Variants in GALNT13 observed in about 807,000 individuals in gnomAD.
GALNT13 encodes the protein UDP-GalNAc:polypeptide N-acetylgalactosaminyltransferase 13.
Under a neutral mutation model 64.2 loss-of-function variants are expected in GALNT13, and 28 were observed. The observed-to-expected ratio is 0.44, with a 90% CI of 0.32 to 0.60. The LOEUF is 0.60. GALNT13 is among the 20% of genes least tolerant of loss of function. The probability of loss-of-function intolerance (pLI) is 0.05; values close to 1 mark genes in which losing one functional copy is unlikely to be tolerated. For synonymous variants in GALNT13, 214 were observed against 224.6 expected, an observed-to-expected ratio of 0.95 and a Z score of 0.42; for missense variants, 577 against 669.8, an observed-to-expected ratio of 0.86 and a Z score of 1.53.
the GALNT13 span, among the ~76,000 whole-genome samples, chr2:153,368,087 A>G: frequency 1.3e-5 from 2 of 152,118 alleles, no homozygotes; most frequent in African/African-American, 4.8e-5. Flanking sequence ...GACATAACAG[A>G]TATATACATA....
At chr2:154,188,884 G>A (rs1378768403) in intron 4 of GALNT13, among the ~76,000 whole-genome samples, 3 of 151,970 alleles carry the variant, frequency 2.0e-5, no homozygotes, top group African/African-American at 7.2e-5. Context: ...CTTACTAATA[G>A]GTTGGTGCAA....
At chr2:153,804,782 A>G in the GALNT13 span, among the ~76,000 whole-genome samples, 1 of 152,130 alleles carries the variant, frequency 6.6e-6, no homozygotes, top group Non-Finnish European at 1.5e-5. Context: ...AAAGAAAATA[A>G]AGAGCAGAAT....
At chr2:153,905,260 A>G (rs1688481606) in intron 2 of GALNT13, among the ~76,000 whole-genome samples, 1 of 151,962 alleles carries the variant, frequency 6.6e-6, no homozygotes, top group Non-Finnish European at 1.5e-5. Context: ...AACTGATTTC[A>G]TTTATGAACA....
At chr2:153,251,214 T>A in the GALNT13 span, among the ~76,000 whole-genome samples, 1 of 152,202 alleles carries the variant, frequency 6.6e-6, no homozygotes, top group Non-Finnish European at 1.5e-5. Flanking sequence ...TACTGGTATA[T>A]GTTACAAAAT....
At chr2:153,982,327 T>C (rs1175900544) in intron 3 of GALNT13, among the ~76,000 whole-genome samples, 2 of 152,226 alleles carry the variant, frequency 1.3e-5, no homozygotes, top group Admixed American at 1.3e-4. Flanking sequence ...TAAATATTGA[T>C]CTGTTTTCAG....
At position 154,422,849 on chromosome 2, in the gene GALNT13, A is replaced by G. The variant is rs796520728; in HGVS notation, c.1395+13767A>G. ...ATTGTCATGTTCCAATCCACCTAAC[A>G]AAGAGACCTGATTTTTTTTCTTCAC... On this transcript the variant is annotated intron_variant, in intron 11 of 12. Coordinates refer to ENST00000392825, the MANE Select transcript of GALNT13 (RefSeq NM_052917.4). 8.5e-5 allele frequency among the ~76,000 whole-genome samples: 13 copies of G among 152,196 alleles called. 1 individual carries two copies. Among genetic ancestry groups the G allele is most frequent in the African/African-American group, 3.1e-4 (13 of 41,542 alleles).
intron 4 of GALNT13, among the ~76,000 whole-genome samples, chr2:154,195,523 G>C (rs1686830766): frequency 6.6e-6 from 1 of 152,000 alleles, no homozygotes; most frequent in South Asian, 2.1e-4. Context: ...ACATTGTTCA[G>C]ATGAAATATA....
the GALNT13 span, among the ~76,000 whole-genome samples, chr2:153,536,462 GT>G: frequency 2.7e-5 from 4 of 150,064 alleles, no homozygotes; most frequent in Non-Finnish European, 6.0e-5. Context: ...GTGATTTTGA[GT>G]TTTTTTTTTT....
chr2:154,103,908 A>AT (rs1457948647), intron 3 of GALNT13, among the ~76,000 whole-genome samples: 4 of 152,008 alleles, frequency 2.6e-5, no homozygotes, highest in Non-Finnish European at 5.9e-5. Flanking sequence ...CTGTCATCAG[A>AT]TTTTTTATTT....
At chr2:153,669,625 G>T in the GALNT13 span, among the ~76,000 whole-genome samples, 2 of 152,152 alleles carry the variant, frequency 1.3e-5, no homozygotes, top group Non-Finnish European at 2.9e-5. Flanking sequence ...CAAAAGACAG[G>T]TGATTTCTGC....
At chr2:154,293,332 C>T (rs1351377485) in intron 8 of GALNT13, among the ~76,000 whole-genome samples, 1 of 152,156 alleles carries the variant, frequency 6.6e-6, no homozygotes, top group Non-Finnish European at 1.5e-5. Flanking sequence ...TTAGACTCCA[C>T]ACAGTGTACA....
the GALNT13 span, among the ~76,000 whole-genome samples, chr2:153,289,640 C>T: frequency 6.6e-6 from 1 of 152,112 alleles, no homozygotes; most frequent in African/African-American, 2.4e-5. Context: ...TTTATTCTCA[C>T]TAATGAATAC....
intron 1 of GALNT13, among the ~76,000 whole-genome samples, chr2:153,882,845 G>A (rs190342974): frequency 8.5e-4 from 129 of 151,124 alleles, no homozygotes; most frequent in African/African-American, 2.9e-3. Flanking sequence ...ACCCAGGCTG[G>A]TATTCCTTCA....
At chr2:154,184,262 T>G (rs941385730) in intron 4 of GALNT13, among the ~76,000 whole-genome samples, 1 of 152,120 alleles carries the variant, frequency 6.6e-6, no homozygotes, top group African/African-American at 2.4e-5. Context: ...TCATAGAATA[T>G]GCTGTTTTAC....
At chr2:153,225,064 A>G in the GALNT13 span, among the ~76,000 whole-genome samples, 1 of 152,222 alleles carries the variant, frequency 6.6e-6, no homozygotes, top group East Asian at 1.9e-4. Context: ...TCTCATGAAC[A>G]TATAGGTAAA....
At chr2:153,632,137 C>T in the GALNT13 span, among the ~76,000 whole-genome samples, 4 of 152,132 alleles carry the variant, frequency 2.6e-5, no homozygotes, top group African/African-American at 9.7e-5. Flanking sequence ...GTTTTTCCTG[C>T]TGTAAAAAGC....
the GALNT13 span, among the ~76,000 whole-genome samples, chr2:153,224,611 G>A: frequency 6.6e-6 from 1 of 152,048 alleles, no homozygotes; most frequent in African/African-American, 2.4e-5. Context: ...GCCCTCACAA[G>A]GCTAAGCAAG....
intron 3 of GALNT13, among the ~76,000 whole-genome samples, chr2:154,067,492 T>C (rs1215387310): frequency 1.3e-5 from 2 of 151,898 alleles, no homozygotes; most frequent in African/African-American, 2.4e-5. Context: ...TAGCTATACT[T>C]ACATCAGACA....
At chr2:153,575,964 G>A in the GALNT13 span, among the ~76,000 whole-genome samples, 1 of 152,158 alleles carries the variant, frequency 6.6e-6, no homozygotes, top group Non-Finnish European at 1.5e-5. Flanking sequence ...GTTAGTAGGC[G>A]ATGAATGCTG....
Sources: gnomAD v4.1 joint callset for allele counts (sites outside exome capture counted in the v4.1 genomes callset) on GRCh38, gnomAD v4.1.1 for gene constraint, MANE v1.5 for transcripts, NCBI Gene and HGNC (gene_info 2026-07-23, HGNC 2026-07-21) for gene names.